The following H2AZ2 variants were observed in gnomAD, a reference collection of about 807,000 sequenced individuals.
The protein encoded by H2AZ2 is histone H2A.V.
Under a neutral mutation model 15.5 loss-of-function variants are expected in H2AZ2, and 5 were observed. The ratio of observed to expected loss-of-function variants is 0.32; its 90% CI spans 0.17 to 0.68. The LOEUF (loss-of-function observed/expected upper bound fraction) is 0.68. Ranked by LOEUF, H2AZ2 falls within the 30% of genes least tolerant of loss-of-function variation. The pLI is 0.72. For synonymous variants in H2AZ2, 44 were observed against 57.4 expected (o/e 0.77, Z 1.05); for missense variants, 42 against 162.5 (o/e 0.26, Z 4.03).
chr7:44,830,952 G>C (rs1792990371), downstream of H2AZ2, among the ~76,000 whole-genome samples: 1 of 152,124 alleles, frequency 6.6e-6, no homozygotes, highest in South Asian at 2.1e-4. Context: ...TTAGGCTATT[G>C]GACTCCAGCC....
rs1022693562 is a variant in H2AZ2 at position 44,833,880 on chromosome 7, G to C, written c.*621C>G. 5 of 195,644 alleles carry C rather than the reference G, an allele frequency of 2.6e-5. No individual in the cohort carries two copies. The highest frequency in any genetic ancestry group is 1.2e-4 in the African/African-American group (5 of 42,212). 12.1% of individuals were successfully genotyped at this position (195,644 alleles called of 1,614,324 possible). A position where few individuals can be genotyped will look rare whatever the true frequency, so the allele number is the denominator to read the frequency against. ...CTTGGTCAGTAGAGCACTCTGCAAA[G>C]GGCCTGGCACATGGTAAGTGCTTGG... On this transcript the variant is annotated 3_prime_UTR_variant, in exon 5 of 5. Transcript: ENST00000308153.
chr7:44,835,673 T>C lies in H2AZ2; in HGVS notation c.196-15A>G, dbSNP rs908722666. ...AGCTCCAGCACCTACAAAGCATCCATGATTAGCATATCAAATGAAGGACCT... is the reference window on the plus strand; with the variant it reads ...AGCTCCAGCACCTACAAAGCATCCACGATTAGCATATCAAATGAAGGACCT... On this transcript the variant is annotated splice_polypyrimidine_tract_variant and intron_variant, in intron 3 of 4. Coordinates refer to ENST00000308153, the MANE Select transcript of H2AZ2 (RefSeq NM_012412.5). 1 of 1,564,852 alleles carries C rather than the reference T, an allele frequency of 6.4e-7. No homozygotes were observed. Among genetic ancestry groups the C allele is most frequent in the Non-Finnish European group, 8.7e-7 (1 of 1,150,584 alleles).
chr7:44,837,447 A>G (rs1218649244), intron 3 of H2AZ2, among the ~76,000 whole-genome samples: 3 of 150,532 alleles, frequency 2.0e-5, no homozygotes, highest in African/African-American at 7.3e-5. Flanking sequence ...AAAAAAAAAA[A>G]AAAAAAAGTT....
chr7:44,840,484 AATGAGGCCGG>A (rs1488226007), intron 3 of H2AZ2, among the ~76,000 whole-genome samples: 1 of 152,124 alleles, frequency 6.6e-6, no homozygotes. Context: ...TAAAGAAACC[AATGAGGCCGG>A]ACGTGGTGGC....
chr7:44,840,770 CCAAA>C (rs963826967), intron 3 of H2AZ2, 125 bp downstream of exon 3: 31 of 629,012 alleles, frequency 4.9e-5, no homozygotes, highest in South Asian at 1.1e-4. Flanking sequence ...AACTCTGTCT[CCAAA>C]CAAACAAACA....
chr7:44,830,994 CA>C (rs1473216494), downstream of H2AZ2, among the ~76,000 whole-genome samples: 1 of 151,920 alleles, frequency 6.6e-6, no homozygotes, highest in Non-Finnish European at 1.5e-5. Context: ...GTCTCAGAAA[CA>C]AAAACAAAAG....
chr7:44,846,058 C>CAGAGAGAGAG (rs1278378854), intron 1 of H2AZ2, among the ~76,000 whole-genome samples: 972 of 92,620 alleles, frequency 0.01, 3 homozygotes, highest in Non-Finnish European at 0.019. Context: ...CACACACACA[C>CAGAGAGAGAG]ACACAGAGAG....
intron 3 of H2AZ2, among the ~76,000 whole-genome samples, chr7:44,840,686 G>A (rs1455819030): frequency 6.6e-6 from 1 of 152,132 alleles, no homozygotes; most frequent in Non-Finnish European, 1.5e-5. Flanking sequence ...TGGGAGAATC[G>A]CTTGAATCCG....
At chr7:44,829,906 T>C (rs1792977749), downstream of H2AZ2, 1 of 438,862 alleles carries the variant, frequency 2.3e-6, no homozygotes, top group Non-Finnish European at 4.1e-6. Context: ...GAATATTTTA[T>C]ACATTCAGAA....
intron 1 of H2AZ2, among the ~76,000 whole-genome samples, chr7:44,846,698 T>C (rs914219652): frequency 1.4e-4 from 21 of 147,676 alleles, no homozygotes; most frequent in Admixed American, 2.7e-4. Context: ...ATGAAAATCA[T>C]CTGTTTGAGC....
downstream of H2AZ2, among the ~76,000 whole-genome samples, chr7:44,830,728 T>C (rs796176371): frequency 1.4e-4 from 21 of 152,374 alleles, no homozygotes; most frequent in African/African-American, 5.0e-4. Context: ...CCAGGCACAG[T>C]GGCTCATGCC....
At chr7:44,835,444 C>A (rs41280663) in intron 4 of H2AZ2, 85 bp downstream of exon 4, 3 of 1,090,316 alleles carry the variant, frequency 2.8e-6, no homozygotes, top group South Asian at 1.9e-5. Context: ...TCTAGTTAAC[C>A]GATCAAATAT....
Position 44,834,401 on chromosome 7 carries a change from C to A in H2AZ2, c.*100G>T, listed in dbSNP as rs1265816689. ...GTCTACAGTAATTGTCTATGCTTTT[C>A]CATTTAACTGTTGTTAAAAATTCCA... On this transcript the variant is annotated 3_prime_UTR_variant, in exon 5 of 5. Coordinates refer to ENST00000308153, the MANE Select transcript of H2AZ2 (RefSeq NM_012412.5). The A allele has an allele frequency of 4.1e-6, 6 of 1,478,104 alleles. No individual in the cohort carries two copies. The highest frequency in any genetic ancestry group is 1.4e-5 in the African/African-American group (1 of 71,386). The allele number at this position is 1,478,104 out of a possible 1,614,324, so 91.6% of individuals were successfully genotyped here. A position where few individuals can be genotyped will look rare whatever the true frequency, so the allele number is the denominator to read the frequency against.
Position 44,847,999 on chromosome 7 carries a change from C to A in H2AZ2, c.-28G>T, listed in dbSNP as rs575464052. 7.4e-7 allele frequency: 1 copy of A among 1,344,394 alleles called. No individual in the cohort carries two copies. The highest frequency in any genetic ancestry group is 3.1e-5 in the East Asian group (1 of 32,418). 83.3% of individuals were successfully genotyped at this position (1,344,394 alleles called of 1,614,324 possible). A position where few individuals can be genotyped will look rare whatever the true frequency, so the allele number is the denominator to read the frequency against. On this transcript the variant is annotated 5_prime_UTR_variant, in exon 1 of 5. Coordinates refer to ENST00000308153, the MANE Select transcript of H2AZ2 (RefSeq NM_012412.5). The stretch of plus-strand genomic sequence containing the variant: ...TCTCGGCGCCGACTCCGCCTCCGCT[C>A]GGCCGCGCGCCCTCCCGCTGCCGAC...
rs140601584 is a variant in H2AZ2, at chr7:44,832,879, G to A, written c.*1622C>T. 6.6e-6 allele frequency among the ~76,000 whole-genome samples: 1 copy of A among 152,160 alleles called. No homozygotes were observed. Among genetic ancestry groups the A allele is most frequent in the Non-Finnish European group, 1.5e-5 (1 of 68,022 alleles). ...GTAAGAGGATTGCTTGGGCCTGAGAGGTGGAGGCTGCAGTGAGCCAGGATC... is the reference window on the plus strand; with the variant it reads ...GTAAGAGGATTGCTTGGGCCTGAGAAGTGGAGGCTGCAGTGAGCCAGGATC... On this transcript the variant is annotated 3_prime_UTR_variant, in exon 5 of 5. Transcript: ENST00000308153.
intron 3 of H2AZ2, among the ~76,000 whole-genome samples, chr7:44,840,661 C>G (rs1465429282): frequency 6.6e-6 from 1 of 152,100 alleles, no homozygotes; most frequent in African/African-American, 2.4e-5. Flanking sequence ...GTCCCAGCTA[C>G]TTGGGAGGCT....
At chr7:44,839,558 T>G (rs1439744156) in intron 3 of H2AZ2, among the ~76,000 whole-genome samples, 1 of 151,138 alleles carries the variant, frequency 6.6e-6, no homozygotes, top group Non-Finnish European at 1.5e-5. Context: ...GGCGGGTGCC[T>G]GTAGTCCCAG....
intron 1 of H2AZ2, among the ~76,000 whole-genome samples, chr7:44,843,816 C>T (rs911402077): frequency 1.3e-5 from 2 of 152,076 alleles, no homozygotes; most frequent in African/African-American, 4.8e-5. Flanking sequence ...CCTAGGCCTC[C>T]CAAAGTGCTG....
Position 44,833,685 on chromosome 7 carries a change from T to C in H2AZ2, c.*816A>G, listed in dbSNP as rs976854605. On this transcript the variant is annotated 3_prime_UTR_variant, in exon 5 of 5. Coordinates refer to ENST00000308153, the MANE Select transcript of H2AZ2 (RefSeq NM_012412.5). The stretch of plus-strand genomic sequence containing the variant: ...GATTTTAAACCAAAAGGAGAAACCT[T>C]TGATAAACTGAACATCAATTCCAGG... 6.1e-6 allele frequency: 6 copies of C among 985,420 alleles called. No individual in the cohort carries two copies. Among genetic ancestry groups the C allele is most frequent in the Non-Finnish European group, 4.8e-6 (4 of 829,898 alleles). 61.0% of individuals were successfully genotyped at this position (985,420 alleles called of 1,614,324 possible).
Sources: gnomAD v4.1 joint callset for allele counts (sites outside exome capture counted in the v4.1 genomes callset) on GRCh38, gnomAD v4.1.1 for gene constraint, MANE v1.5 for transcripts, NCBI Gene and HGNC (gene_info 2026-07-23, HGNC 2026-07-21) for gene names.